PLB1: variants seen among roughly 807,000 people sequenced by gnomAD.
The protein encoded by PLB1 is phospholipase B1, membrane-associated.
Under a neutral mutation model 227.4 loss-of-function variants are expected in PLB1, and 242 were observed. The ratio of observed to expected loss-of-function variants is 1.06; its 90% CI spans 0.96 to 1.18. PLB1 has a LOEUF of 1.18. PLB1 is among the 50% of genes most tolerant of loss of function. PLB1 has a pLI of 0.00. For missense variants in PLB1, 1,858 were observed against 1,816.3 expected (o/e 1.02, Z -0.42); for synonymous variants, 757 against 682.2 (o/e 1.11, Z -1.71).
chr2:28,514,442 T>C (rs575522678), intron 1 of PLB1, among the ~76,000 whole-genome samples: 37 of 152,332 alleles, frequency 2.4e-4, no homozygotes, highest in African/African-American at 8.4e-4. Context: ...TTAATATAAA[T>C]TTTAGAATCA....
At chr2:28,612,932 T>A (rs921416783) in intron 43 of PLB1, among the ~76,000 whole-genome samples, 5 of 151,632 alleles carry the variant, frequency 3.3e-5, no homozygotes, top group Admixed American at 1.3e-4. Context: ...TTTTTTTTTT[T>A]TTATTGAAAC....
At chr2:28,513,165 T>A (rs748668224) in intron 1 of PLB1, among the ~76,000 whole-genome samples, 4 of 152,232 alleles carry the variant, frequency 2.6e-5, no homozygotes, top group Non-Finnish European at 5.9e-5. Flanking sequence ...CTCCTGGTAA[T>A]TTTTTAATGG....
intron 4 of PLB1, 131 bp downstream of exon 4, chr2:28,519,894 G>A (rs1422760576): frequency 2.2e-6 from 1 of 453,210 alleles, no homozygotes; most frequent in Non-Finnish European, 4.0e-6. Flanking sequence ...AAATCCAGGA[G>A]GTTGAATCTT....
intron 1 of PLB1, among the ~76,000 whole-genome samples, chr2:28,496,650 A>C (rs558016595): frequency 6.6e-6 from 1 of 152,324 alleles, no homozygotes; most frequent in South Asian, 2.1e-4. Context: ...GATTGCCTAC[A>C]TTCTTTAGTG....
intron 21 of PLB1, among the ~76,000 whole-genome samples, chr2:28,574,249 A>C (rs542237442): frequency 6.6e-6 from 1 of 151,900 alleles, no homozygotes; most frequent in Non-Finnish European, 1.5e-5. Flanking sequence ...TACATGAGTA[A>C]GTTGTTTAGT....
At chr2:28,638,532 T>C (rs1017654372) in intron 56 of PLB1, among the ~76,000 whole-genome samples, 5 of 151,996 alleles carry the variant, frequency 3.3e-5, no homozygotes. Context: ...ACTAGGAGGC[T>C]GCTGTTGATG....
At position 28,643,274 on chromosome 2, in the gene PLB1, G is replaced by C; in HGVS notation, c.*213G>C. 2 of 462,244 alleles carry C rather than the reference G, an allele frequency of 4.3e-6. No individual in the cohort carries two copies. The highest frequency in any genetic ancestry group is 9.7e-5 in the South Asian group (2 of 20,562). The allele number at this position is 462,244 out of a possible 1,614,324, so 28.6% of individuals were successfully genotyped here. ...AAAGTCCAAAGCTATTTTATTCCTGGGTTTGCCTGCGTGAAGCACTCACCT... is the reference window on the plus strand; with the variant it reads ...AAAGTCCAAAGCTATTTTATTCCTGCGTTTGCCTGCGTGAAGCACTCACCT... On this transcript the variant is annotated 3_prime_UTR_variant, in exon 58 of 58. Coordinates refer to ENST00000327757, the MANE Select transcript of PLB1 (RefSeq NM_153021.5).
rs901323202 is a variant in PLB1 at position 28,525,292 on chromosome 2, T to A, written c.269T>A (p.Leu90Gln). Residue 90 changes from leucine (L) to glutamine (Q), a missense_variant, in exon 5 of 58, where the codon CTG (leucine) becomes CAG (glutamine). Coordinates refer to ENST00000327757, the MANE Select transcript of PLB1 (RefSeq NM_153021.5). ...EIPPDPGTGDLEKQDWTERPQ... is the reference protein window; with the variant it reads ...EIPPDPGTGDQEKQDWTERPQ... ...CCTCCAGACCCAGGGACGGGCGATC[T>A]GGAGAAGCAAGACTGGTAACTATCC... The A allele has an allele frequency of 6.2e-7, 1 of 1,613,708 alleles. No individual in the cohort carries two copies. Among genetic ancestry groups the A allele is most frequent in the African/African-American group, 1.3e-5 (1 of 75,018 alleles).
At chr2:28,496,364 T>C (rs1666438212) in intron 1 of PLB1, among the ~76,000 whole-genome samples, 195 bp downstream of exon 1, 1 of 152,034 alleles carries the variant, frequency 6.6e-6, no homozygotes, top group Non-Finnish European at 1.5e-5. Context: ...GGGTTACATG[T>C]CCCAAAGGCT....
At chr2:28,529,465 T>C (rs1670717627) in intron 7 of PLB1, 58 bp downstream of exon 7, 8 of 1,405,574 alleles carry the variant, frequency 5.7e-6, no homozygotes, top group South Asian at 4.6e-5. Flanking sequence ...CTTCAACATA[T>C]AGGTGGGAGG....
intron 9 of PLB1, among the ~76,000 whole-genome samples, chr2:28,536,310 G>A (rs2148200622): frequency 6.6e-6 from 1 of 152,312 alleles, no homozygotes; most frequent in Admixed American, 6.5e-5. Flanking sequence ...TGATGAGCTG[G>A]CTCACAGCAG....
intron 13 of PLB1, among the ~76,000 whole-genome samples, chr2:28,542,132 CAA>C (rs34320310): frequency 0.017 from 2,084 of 125,778 alleles, 23 homozygotes; most frequent in Middle Eastern, 0.051. Flanking sequence ...GACTCAGTCT[CAA>C]AAAAAAAAAA....
chr2:28,633,098 C>CT lies in PLB1; in HGVS notation c.4098+60dup, dbSNP rs1688869948. 1.1e-5 allele frequency: 16 copies of CT among 1,445,428 alleles called. No homozygotes were observed. The South Asian group carries it at 1.8e-4, about 17-fold the overall frequency. The allele number at this position is 1,445,428 out of a possible 1,614,324, so 89.5% of individuals were successfully genotyped here. ...GGGGGGATCTAAGGATATTGACACT[C>CT]TGTCTCACAATGGCAAAACTACTGG... On this transcript the variant is annotated intron_variant, in intron 56 of 57. Coordinates refer to ENST00000327757, the MANE Select transcript of PLB1 (RefSeq NM_153021.5).
intron 22 of PLB1, among the ~76,000 whole-genome samples, chr2:28,578,442 A>G (rs1191511133): frequency 6.6e-6 from 1 of 152,154 alleles, no homozygotes; most frequent in Admixed American, 6.5e-5. Flanking sequence ...AATGTGAAGA[A>G]TCAAATTATA....
chr2:28,563,033 A>G lies in PLB1; in HGVS notation c.1148-8A>G. The G allele has an allele frequency of 6.2e-7, 1 of 1,612,540 alleles. No individual in the cohort carries two copies. Among genetic ancestry groups the G allele is most frequent in the Non-Finnish European group, 8.5e-7 (1 of 1,178,660 alleles). Reference sequence around the variant, plus strand: ...CCATTTTCCACTCACTCCTGCTTATATTCTTAGTTCATAGGCTGAAGCCGG... The same window carrying G: ...CCATTTTCCACTCACTCCTGCTTATGTTCTTAGTTCATAGGCTGAAGCCGG... On this transcript the variant is annotated splice_polypyrimidine_tract_variant and splice_region_variant and intron_variant, in intron 17 of 57. Coordinates refer to ENST00000327757, the MANE Select transcript of PLB1 (RefSeq NM_153021.5).
At chr2:28,513,771 A>T (rs780195280) in intron 1 of PLB1, among the ~76,000 whole-genome samples, 3 of 152,248 alleles carry the variant, frequency 2.0e-5, no homozygotes, top group Non-Finnish European at 4.4e-5. Flanking sequence ...TTTTAGGAAA[A>T]GATGTGGGGC....
chr2:28,581,535 A>C (rs1481638076), intron 23 of PLB1, among the ~76,000 whole-genome samples: 2 of 134,188 alleles, frequency 1.5e-5, no homozygotes, highest in African/African-American at 3.0e-5. Context: ...ATAAATAAAT[A>C]AAATTAAAAA....
intron 52 of PLB1, among the ~76,000 whole-genome samples, 192 bp downstream of exon 52, chr2:28,628,820 G>A (rs1322958793): frequency 5.9e-5 from 9 of 152,162 alleles, no homozygotes; most frequent in Admixed American, 5.9e-4. Flanking sequence ...AGGGTTGTGT[G>A]GTAGCAATGA....
At chr2:28,576,857 C>T (rs1208407132) in intron 21 of PLB1, among the ~76,000 whole-genome samples, 1 of 152,094 alleles carries the variant, frequency 6.6e-6, no homozygotes. Flanking sequence ...AGTGACTTAC[C>T]CGAAGTTCCC....
Sources: gnomAD v4.1 joint callset for allele counts (sites outside exome capture counted in the v4.1 genomes callset) on GRCh38, gnomAD v4.1.1 for gene constraint, MANE v1.5 for transcripts, NCBI Gene and HGNC (gene_info 2026-07-23, HGNC 2026-07-21) for gene names.